Variants in PLCH2 observed in about 807,000 individuals in gnomAD.
PLCH2 encodes the protein 1-phosphatidylinositol 4,5-bisphosphate phosphodiesterase eta-2.
A neutral mutation model predicts 134.7 loss-of-function variants in PLCH2; 98 were observed. The ratio of observed to expected loss-of-function variants is 0.73; its 90% CI spans 0.62 to 0.86. PLCH2 has a LOEUF of 0.86. Ranked by LOEUF, PLCH2 falls within the 40% of genes least tolerant of loss-of-function variation. The pLI is 0.00. For missense variants in PLCH2, 1,994 were observed against 1,986.6 expected (o/e 1.00, Z -0.07); for synonymous variants, 974 against 827.5 (o/e 1.18, Z -3.04).
In PLCH2 at chr1:2,496,936, T is replaced by C; in HGVS notation, c.2042T>C (p.Ile681Thr). The C allele has an allele frequency of 6.2e-7, 1 of 1,613,336 alleles. No homozygotes were observed. Among genetic ancestry groups the C allele is most frequent in the South Asian group, 1.1e-5 (1 of 91,086 alleles). Residue 681 changes from isoleucine (I) to threonine (T), a missense_variant, in exon 15 of 22, where the codon ATC becomes ACC. Transcript: ENST00000378486. ...TTCAACCAGCAGCAGCTCTCCCGCATCTACCCCTCCTCCTACCGTGTGGAC... is the reference window on the plus strand; with the variant it reads ...TTCAACCAGCAGCAGCTCTCCCGCACCTACCCCTCCTCCTACCGTGTGGAC... ...LRFNQQQLSR[I>T]YPSSYRVDSS...
At chr1:2,485,055 G>C (rs920705381) in intron 5 of PLCH2, among the ~76,000 whole-genome samples, 1 of 152,098 alleles carries the variant, frequency 6.6e-6, no homozygotes, top group Non-Finnish European at 1.5e-5. Flanking sequence ...CAGCCACATG[G>C]GTCTGGCTGA....
At chr1:2,480,687 A>ACC (rs1641914427) in intron 4 of PLCH2, among the ~76,000 whole-genome samples, 1 of 152,170 alleles carries the variant, frequency 6.6e-6, no homozygotes, top group South Asian at 2.1e-4. Context: ...CGAGGGGGGT[A>ACC]CACCAGCCCT....
rs138205502 is a variant in PLCH2, at chr1:2,443,410, C to A, written c.115+12781C>A. Reference sequence around the variant, plus strand: ...GGGCCCCTGTCTTGGCTTCTTCCAGCGCCTGGGCAAACGCCCAGCCTGGAG... The same window carrying A: ...GGGCCCCTGTCTTGGCTTCTTCCAGAGCCTGGGCAAACGCCCAGCCTGGAG... On this transcript the variant is annotated intron_variant, in intron 2 of 3. Transcript: ENST00000609981. 9.4e-3 allele frequency among the ~76,000 whole-genome samples: 1,433 copies of A among 152,302 alleles called. 19 individuals are homozygous for A. The highest frequency in any genetic ancestry group is 0.033 in the African/African-American group (1,366 of 41,578).
chr1:2,441,087 G>T (rs896537551), intron 2 of PLCH2, among the ~76,000 whole-genome samples: 18 of 152,296 alleles, frequency 1.2e-4, no homozygotes, highest in Non-Finnish European at 1.5e-4. Context: ...AGTGGAGGGG[G>T]TGGGTTCCCA....
In PLCH2 at chr1:2,504,290, C is replaced by T. The variant is rs779780478; in HGVS notation, c.3328C>T (p.Pro1110Ser). The T allele has an allele frequency of 3.8e-6, 6 of 1,597,714 alleles. No homozygotes were observed. In the East Asian group the frequency reaches 6.7e-5, roughly 18 times the overall value. ...VPTEPLGGWR[P>S]LAAPFPAPAV... is the part of the protein sequence containing the mutation. ...CACGGAGCCCCTGGGAGGGTGGCGG[C>T]CCCTGGCCGCTCCCTTTCCAGCTCC... The change falls in exon 22 of 22, where the codon CCC (proline) becomes TCC (serine). Residue 1110 changes from proline to serine, a missense_variant. By Grantham distance (74) the Pro-to-Ser change is moderately conservative. Around this residue, in one of 2 missense-constraint regions of PLCH2, gnomAD observed 900 missense variants for 752.3 expected, o/e 1.20. Transcript: ENST00000378486.
Position 2,479,946 on chromosome 1 carries a change from A to G in PLCH2, c.484A>G (p.Ser162Gly), listed in dbSNP as rs374011897. 1.5e-5 allele frequency: 24 copies of G among 1,607,844 alleles called. No homozygotes were observed. In the Middle Eastern group the frequency reaches 4.9e-4, roughly 33 times the overall value. Reference protein sequence around the residue: ...YLMAGISDEDSLARRQRTRDQ... With the variant: ...YLMAGISDEDGLARRQRTRDQ... Reference sequence around the variant, plus strand: ...CATGGCCGGCATCAGCGACGAGGACAGCCTGGCTCGCCGCCAGCGCACCAG... The same window carrying G: ...CATGGCCGGCATCAGCGACGAGGACGGCCTGGCTCGCCGCCAGCGCACCAG... Residue 162 changes from serine to glycine, a missense_variant, in exon 3 of 22, where the codon AGC becomes GGC. Physicochemically the swap from Ser to Gly is moderately conservative, Grantham distance 56 (BLOSUM62 0). Coordinates refer to ENST00000378486, the MANE Select transcript of PLCH2 (RefSeq NM_014638.4).
chr1:2,430,433 T>C (rs1639015400), exon 2 of PLCH2: 1 of 152,406 alleles, frequency 6.6e-6, no homozygotes, highest in African/African-American at 2.4e-5. Flanking sequence ...TCCTGCCTCC[T>C]GTGGACGGCC....
intron 1 of PLCH2, among the ~76,000 whole-genome samples, chr1:2,427,106 C>G (rs373704532): frequency 6.6e-6 from 1 of 152,210 alleles, no homozygotes; most frequent in Admixed American, 6.5e-5. Context: ...CTGGGACCCA[C>G]GTTCAGCCTG....
chr1:2,465,495 C>T (rs1285302970), upstream of PLCH2, among the ~76,000 whole-genome samples: 7 of 152,288 alleles, frequency 4.6e-5, no homozygotes, highest in South Asian at 6.2e-4. Context: ...TCCTTCCAGT[C>T]GCCTTCTTCA....
At chr1:2,496,504 C>A (rs1171765029) in intron 13 of PLCH2, 103 bp from the exon 14 acceptor site, 2 of 935,126 alleles carry the variant, frequency 2.1e-6, no homozygotes, top group Non-Finnish European at 3.4e-6. Flanking sequence ...GGGCCTGCTG[C>A]GTGAATTAAT....
rs748035129 is a variant in PLCH2, at chr1:2,491,210, C to T, written c.1534C>T (p.Arg512Cys). Residue 512 changes from arginine to cysteine, a missense_variant, in exon 11 of 22, where the codon CGT becomes TGT. Arg to Cys is a radical substitution (Grantham distance 180). This residue lies in a region of PLCH2 where 1,094 missense variants were observed against 1,234.3 expected (regional missense o/e 0.89). Coordinates refer to ENST00000378486, the MANE Select transcript of PLCH2 (RefSeq NM_014638.4). Reference sequence around the variant, plus strand: ...CCTGCAGGCATCCACCAATCGAAAGCGTGTAGAAAACACTGCTAAGAGGAA... The same window carrying T: ...CCTGCAGGCATCCACCAATCGAAAGTGTGTAGAAAACACTGCTAAGAGGAA... ...LNGDASTNRK[R>C]VENTAKRKLD... is the part of the protein sequence containing the mutation. 13 of 1,612,696 alleles carry T rather than the reference C, an allele frequency of 8.1e-6. No homozygotes were observed. The highest frequency in any genetic ancestry group is 2.2e-5 in the East Asian group (1 of 44,868).
At chr1:2,490,703 G>A (rs1252710038) in intron 10 of PLCH2, among the ~76,000 whole-genome samples, 1 of 152,374 alleles carries the variant, frequency 6.6e-6, no homozygotes, top group Non-Finnish European at 1.5e-5. Context: ...GCAGCTCCAC[G>A]GTGCTCCTGG....
In PLCH2 at chr1:2,503,977, C is replaced by G. The variant is rs1477088273; in HGVS notation, c.3015C>G (p.Thr1005=). The change falls in exon 22 of 22, where the codon ACC becomes ACG. Residue 1005 remains threonine (T), a synonymous_variant. Transcript: ENST00000378486. ...TCCCCCCACTGTGCAGCCTGGAAAC[C>G]ATCGCTGAGGAGCCCGCCCCAGGCC... The part of the protein sequence containing the change: ...RPLPPLCSLE[T]IAEEPAPGPG... 56 of 1,515,254 alleles carry G rather than the reference C, an allele frequency of 3.7e-5. No individual in the cohort carries two copies. The highest frequency in any genetic ancestry group is 9.6e-5 in the South Asian group (8 of 83,130). 93.9% of individuals were successfully genotyped at this position (1,515,254 alleles called of 1,614,324 possible). A position where few individuals can be genotyped will look rare whatever the true frequency, so the allele number is the denominator to read the frequency against.
At chr1:2,429,193 G>A (rs1638949063) in intron 1 of PLCH2, among the ~76,000 whole-genome samples, 1 of 152,162 alleles carries the variant, frequency 6.6e-6, no homozygotes, top group African/African-American at 2.4e-5. Context: ...TCCTTCTAGG[G>A]CCCTGGGGAG....
At position 2,495,535 on chromosome 1, in the gene PLCH2, T is replaced by C; in HGVS notation, c.1800T>C (p.Asp600=). 6.4e-7 allele frequency: 1 copy of C among 1,551,440 alleles called. No individual in the cohort carries two copies. Among genetic ancestry groups the C allele is most frequent in the Non-Finnish European group, 8.7e-7 (1 of 1,147,046 alleles). The change falls in exon 13 of 22, where the codon GAT becomes GAC. Residue 600 remains aspartate, a synonymous_variant. Transcript: ENST00000378486. ...LKKAASVEEG[D]EGQDSPGGQS... is the part of the protein sequence containing the mutation. ...AGGCGGCCAGCGTGGAGGAGGGAGATGAGGGTCAGGACTCCCCGGGAGGCC... is the reference window on the plus strand; with the variant it reads ...AGGCGGCCAGCGTGGAGGAGGGAGACGAGGGTCAGGACTCCCCGGGAGGCC...
upstream of PLCH2, chr1:2,467,427 TC>T: frequency 5.4e-6 from 2 of 370,308 alleles, no homozygotes; most frequent in East Asian, 7.5e-5. Context: ...GGCGGCCCCG[TC>T]CCGCCTTCCC....
intron 5 of PLCH2, among the ~76,000 whole-genome samples, chr1:2,486,317 C>T (rs575008992): frequency 6.6e-6 from 1 of 152,316 alleles, no homozygotes; most frequent in Admixed American, 6.5e-5. Context: ...ACAACTGGCT[C>T]TGGGCTCCCC....
chr1:2,467,948 C>T (rs1202638230), intron 1 of PLCH2, among the ~76,000 whole-genome samples: 2 of 152,210 alleles, frequency 1.3e-5, no homozygotes, highest in Non-Finnish European at 2.9e-5. Context: ...CACGTGAAAG[C>T]GAGAGGGTCT....
Position 2,476,710 on chromosome 1 carries a change from T to G in PLCH2, c.122T>G (p.Leu41Arg). 6.2e-7 allele frequency: 1 copy of G among 1,605,532 alleles called. No individual in the cohort carries two copies. Among genetic ancestry groups the G allele is most frequent in the Non-Finnish European group, 8.5e-7 (1 of 1,177,112 alleles). ...TCTTCAGAGTGGCAGCTCGGCCCCC[T>G]GGGTAAGAAGGGGCAGGCGAGTGGC... ...VLSSEWQLGP[L>R]VERCMGAMQE... Residue 41 changes from leucine (L) to arginine (R), a missense_variant and splice_region_variant, in exon 1 of 22, where the codon CTG becomes CGG. Leu to Arg is a moderately radical substitution (Grantham distance 102). Coordinates refer to ENST00000378486, the MANE Select transcript of PLCH2 (RefSeq NM_014638.4).
Sources: gnomAD v4.1 joint callset for allele counts (sites outside exome capture counted in the v4.1 genomes callset) on GRCh38, gnomAD v4.1.1 for gene constraint, gnomAD v4.1.1 regional missense constraint, MANE v1.5 for transcripts, NCBI Gene and HGNC (gene_info 2026-07-23, HGNC 2026-07-21) for gene names.